Variants in BICRA observed in about 807,000 individuals in gnomAD.
BICRA encodes BRD4-interacting chromatin-remodeling complex-associated protein.
BICRA carries 31 observed loss-of-function variants against 96.9 expected under a neutral mutation model. The ratio of observed to expected loss-of-function variants is 0.32; its 90% CI spans 0.24 to 0.43. The LOEUF (loss-of-function observed/expected upper bound fraction) is 0.43, where lower values mean the gene tolerates loss of function less well. Among genes scored for constraint, BICRA ranks in the 20% least tolerant of loss-of-function variants. The pLI is 1.00. For missense variants in BICRA, 2,283 were observed against 2,190.3 expected (o/e 1.04, Z -0.84); for synonymous variants, 1,350 against 1,071.8 (o/e 1.26, Z -5.07).
rs1177370606 is a variant in BICRA, at chr19:47,699,400, A to G, written c.3590A>G (p.Lys1197Arg). ...LALDKQLAKEKPDEYVSSSRS... is the reference protein window; with the variant it reads ...LALDKQLAKERPDEYVSSSRS... ...TTGGATAAACAGCTGGCCAAGGAGA[A>G]GCCGGGTGAGAGGGGGGAGTGAGAG... The change falls in exon 14 of 15, where the codon AAG (lysine) becomes AGG (arginine). Residue 1197 changes from lysine (K) to arginine (R), a missense_variant. By Grantham distance (26) the Lys-to-Arg change is conservative. Transcript: ENST00000594866. This position sits in a 1 kb window ranked among gnomAD's most constrained non-coding sequence, Gnocchi z 5.0. The G allele has an allele frequency of 6.5e-7, 1 of 1,533,884 alleles. No individual in the cohort carries two copies. Among genetic ancestry groups the G allele is most frequent in the Non-Finnish European group, 8.9e-7 (1 of 1,128,740 alleles).
At chr19:47,687,863 G>A (rs1476752041) in intron 7 of BICRA, among the ~76,000 whole-genome samples, 3 of 151,406 alleles carry the variant, frequency 2.0e-5, no homozygotes, top group African/African-American at 4.9e-5. Context: ...TTGCACACAG[G>A]TATGAAAGTA....
At chr19:47,665,793 A>T (rs1170071656) in intron 1 of BICRA, among the ~76,000 whole-genome samples, 1 of 152,188 alleles carries the variant, frequency 6.6e-6, no homozygotes, top group Non-Finnish European at 1.5e-5. Flanking sequence ...CGTTTATCTC[A>T]TCTGGAAAAT....
At chr19:47,662,056 C>A (rs1401627507) in intron 1 of BICRA, 1 of 152,350 alleles carries the variant, frequency 6.6e-6, no homozygotes, top group African/African-American at 2.4e-5. Flanking sequence ...GAAGTCAAGG[C>A]TGCAGTGAGC....
rs553216609 is a variant in BICRA at position 47,647,545 on chromosome 19, G to A, written c.-107-22898G>A. On this transcript the variant is annotated intron_variant, in intron 1 of 14. Coordinates refer to ENST00000594866, the MANE Select transcript of BICRA (RefSeq NM_001394372.1). ...CCACCTCTGCCCCGCTATGCATAAA[G>A]TTGGGATTCCATAGACAGTAGGTCC... Among the ~76,000 whole-genome samples the A allele has an allele frequency of 2.0e-5, 3 of 152,238 alleles. No individual in the cohort carries two copies. In the East Asian group the frequency reaches 5.8e-4, roughly 29 times the overall value.
intron 1 of BICRA, among the ~76,000 whole-genome samples, chr19:47,641,638 C>A (rs1358356659): frequency 6.6e-6 from 1 of 151,948 alleles, no homozygotes; most frequent in Non-Finnish European, 1.5e-5. Flanking sequence ...CACCCCATTT[C>A]AAAAAATATA....
Position 47,680,249 on chromosome 19 carries a change from C to T in BICRA, c.1079C>T (p.Pro360Leu), listed in dbSNP as rs942284516. The T allele has an allele frequency of 5.1e-6, 8 of 1,561,396 alleles. No individual in the cohort carries two copies. The highest frequency in any genetic ancestry group is 2.4e-5 in the East Asian group (1 of 41,658). The change falls in exon 6 of 15, where the codon CCG becomes CTG. Residue 360 changes from proline to leucine, a missense_variant. Pro to Leu is a moderately conservative substitution (Grantham distance 98). Transcript: ENST00000594866. Reference protein sequence around the residue: ...PIQPKPAGVLPPKLYQLTPKP... With the variant: ...PIQPKPAGVLLPKLYQLTPKP... ...CAGCCCAAGCCCGCGGGGGTGCTGCCGCCCAAGCTCTACCAGCTGACGCCC... is the reference window on the plus strand; with the variant it reads ...CAGCCCAAGCCCGCGGGGGTGCTGCTGCCCAAGCTCTACCAGCTGACGCCC...
intron 5 of BICRA, among the ~76,000 whole-genome samples, chr19:47,678,511 A>C (rs1342213147): frequency 1.3e-5 from 2 of 152,126 alleles, no homozygotes; most frequent in Non-Finnish European, 2.9e-5. Flanking sequence ...ATGCAGGATC[A>C]CGTTGGGCGC....
At chr19:47,631,293 T>C (rs2123522935) in intron 1 of BICRA, among the ~76,000 whole-genome samples, 1 of 152,286 alleles carries the variant, frequency 6.6e-6, no homozygotes, top group East Asian at 1.9e-4. Context: ...AGTGGCGCAA[T>C]CTTGGCTCAC....
intron 5 of BICRA, among the ~76,000 whole-genome samples, chr19:47,678,736 GT>G (rs112732019): frequency 2.6e-5 from 4 of 151,176 alleles, no homozygotes; most frequent in African/African-American, 9.7e-5. Flanking sequence ...TTGAACAGTA[GT>G]TTTTTTTATT....
intron 1 of BICRA, among the ~76,000 whole-genome samples, chr19:47,647,902 G>T (rs1410949206): frequency 6.6e-6 from 1 of 151,464 alleles, no homozygotes. Context: ...CGGGGGGAGT[G>T]GGGGGCCGTT....
At chr19:47,618,143 G>A (rs1458150425) in intron 1 of BICRA, among the ~76,000 whole-genome samples, 1 of 152,172 alleles carries the variant, frequency 6.6e-6, no homozygotes, top group Non-Finnish European at 1.5e-5. Context: ...ACACCTGGGT[G>A]CATGCAGTGT....
intron 1 of BICRA, among the ~76,000 whole-genome samples, chr19:47,642,761 AGTT>A: frequency 6.6e-6 from 1 of 152,308 alleles, no homozygotes; most frequent in East Asian, 1.9e-4. Flanking sequence ...TTTTCAAAGC[AGTT>A]GTTTACCACC....
intron 1 of BICRA, among the ~76,000 whole-genome samples, chr19:47,614,446 A>C (rs919011857): frequency 1.3e-5 from 2 of 152,046 alleles, no homozygotes. Context: ...GTGAAACCCC[A>C]TCTCTCCTAA....
intron 1 of BICRA, among the ~76,000 whole-genome samples, chr19:47,610,571 G>T (rs1003780183): frequency 6.6e-6 from 1 of 150,392 alleles, no homozygotes; most frequent in Non-Finnish European, 1.5e-5. Flanking sequence ...TGCAGTCTGT[G>T]CCCAGGCCCA....
intron 1 of BICRA, among the ~76,000 whole-genome samples, chr19:47,623,161 T>C (rs1264130986): frequency 6.6e-6 from 1 of 152,190 alleles, no homozygotes; most frequent in Admixed American, 6.6e-5. Flanking sequence ...AATTCCCTTT[T>C]ATTTTCATTC....
intron 1 of BICRA, among the ~76,000 whole-genome samples, chr19:47,633,240 C>T (rs957528833): frequency 4.0e-5 from 6 of 151,722 alleles, no homozygotes; most frequent in African/African-American, 1.2e-4. Flanking sequence ...CCACCACGCC[C>T]GACTAATTTT....
intron 7 of BICRA, among the ~76,000 whole-genome samples, chr19:47,686,284 T>A (rs1451266155): frequency 6.6e-6 from 1 of 152,198 alleles, no homozygotes; most frequent in African/African-American, 2.4e-5. Context: ...TATGTATTTG[T>A]ATATATACAC....
At chr19:47,653,939 T>G (rs1972577026) in intron 1 of BICRA, among the ~76,000 whole-genome samples, 1 of 152,096 alleles carries the variant, frequency 6.6e-6, no homozygotes, top group African/African-American at 2.4e-5. Flanking sequence ...TTCAAGTGAC[T>G]CTCCTGCCTC....
chr19:47,629,295 A>G (rs1385207660), intron 1 of BICRA, among the ~76,000 whole-genome samples: 1 of 151,970 alleles, frequency 6.6e-6, no homozygotes, highest in Non-Finnish European at 1.5e-5. Context: ...GAGCCACCAC[A>G]CCCGGCGTCC....
Sources: gnomAD v4.1 joint callset for allele counts (sites outside exome capture counted in the v4.1 genomes callset) on GRCh38, gnomAD v4.1.1 for gene constraint, Gnocchi (gnomAD v3.1) non-coding constraint, MANE v1.5 for transcripts, NCBI Gene and HGNC (gene_info 2026-07-23, HGNC 2026-07-21) for gene names.